ARHGEF9: variants seen among roughly 807,000 people sequenced by gnomAD.
ARHGEF9 encodes Cdc42 guanine nucleotide exchange factor 9, also known as rho guanine nucleotide exchange factor 9.
A neutral mutation model predicts 41.3 loss-of-function variants in ARHGEF9; 2 were observed. The observed-to-expected ratio is 0.05, with a 90% CI of 0.02 to 0.15. The LOEUF (loss-of-function observed/expected upper bound fraction) is 0.15. Among genes scored for constraint, ARHGEF9 ranks in the 10% least tolerant of loss-of-function variants. The probability of loss-of-function intolerance (pLI) is 1.00; values close to 1 mark genes in which losing one functional copy is unlikely to be tolerated. For missense variants in ARHGEF9, 225 were observed against 424.7 expected, an observed-to-expected ratio of 0.53 and a Z score of 4.13; for synonymous variants, 160 against 154.4, an observed-to-expected ratio of 1.04 and a Z score of -0.27.
chrX:63,771,365 T>A (rs1432153193), intron 1 of ARHGEF9, among the ~76,000 whole-genome samples: 1 of 112,213 alleles, frequency 8.9e-6, no homozygotes, highest in Non-Finnish European at 1.9e-5. Context: ...CTGGATATTA[T>A]CATTTTTCCA....
intron 3 of ARHGEF9, among the ~76,000 whole-genome samples, chrX:63,699,327 C>G (rs781811299): frequency 3.6e-5 from 4 of 111,659 alleles, no homozygotes; most frequent in African/African-American, 1.3e-4. Context: ...CAATGAGAGA[C>G]AGAAGAGGGC....
At chrX:63,712,629 C>A (rs191465470) in intron 2 of ARHGEF9, among the ~76,000 whole-genome samples, 2 of 111,394 alleles carry the variant, frequency 1.8e-5, no homozygotes, top group East Asian at 5.6e-4. Context: ...CAGAATTAGA[C>A]AATGGTGATG....
At chrX:63,728,642 C>A (rs782743842) in intron 1 of ARHGEF9, among the ~76,000 whole-genome samples, 6 of 112,065 alleles carry the variant, frequency 5.4e-5, no homozygotes, top group Non-Finnish European at 1.1e-4. Context: ...TCAGTTTTTT[C>A]ATCTGCAAAA....
intron 1 of ARHGEF9, among the ~76,000 whole-genome samples, chrX:63,739,242 T>G (rs2054802484): frequency 9.0e-6 from 1 of 111,309 alleles, no homozygotes; most frequent in Non-Finnish European, 1.9e-5. Context: ...AATCCTCCTA[T>G]TGTCTTGAAG....
Position 63,635,674 on chromosome X carries a change from T to A in ARHGEF9, c.*2354A>T. 3.5e-6 allele frequency: 1 copy of A among 289,542 alleles called. No individual in the cohort carries two copies. The highest frequency in any genetic ancestry group is 6.9e-5 in the Admixed American group (1 of 14,525). The allele number at this position is 289,542 out of a possible 1,213,427, so 23.9% of individuals were successfully genotyped here. The stretch of plus-strand genomic sequence containing the variant: ...GCGGGTTGAGAAGTAATATCCCTGA[T>A]CCTGGAGCCCTGGGCAGAAGCCCCA... On this transcript the variant is annotated 3_prime_UTR_variant, in exon 10 of 10. Coordinates refer to ENST00000671741, the MANE Select transcript of ARHGEF9 (RefSeq NM_001353921.2).
At chrX:63,768,909 G>A (rs1452135542) in intron 1 of ARHGEF9, among the ~76,000 whole-genome samples, 2 of 111,762 alleles carry the variant, frequency 1.8e-5, no homozygotes, top group South Asian at 3.7e-4. Flanking sequence ...TTTGTAAATT[G>A]CCCAGTTTCA....
Position 63,635,285 on chromosome X carries a change from G to T in ARHGEF9, c.*2743C>A, listed in dbSNP as rs1250232180. On this transcript the variant is annotated 3_prime_UTR_variant, in exon 10 of 10. Transcript: ENST00000671741. ...CCATTAGAAATATACACATAGAGAG[G>T]GGGGGAAAAAGAGAGAATAATTAGA... 1.2e-5 allele frequency: 6 copies of T among 513,308 alleles called. No homozygotes were observed. The Admixed American group carries it at 1.7e-4, about 14-fold the overall frequency. 42.3% of individuals were successfully genotyped at this position (513,308 alleles called of 1,213,427 possible).
chrX:63,689,022 A>G (rs1229651119), intron 4 of ARHGEF9, among the ~76,000 whole-genome samples: 3 of 112,009 alleles, frequency 2.7e-5, no homozygotes, highest in Non-Finnish European at 5.6e-5. Context: ...ACATGCCACC[A>G]GAGAAAAATC....
intron 4 of ARHGEF9, among the ~76,000 whole-genome samples, chrX:63,680,164 C>T (rs1317288704): frequency 9.8e-5 from 11 of 112,035 alleles, no homozygotes; most frequent in African/African-American, 1.6e-4. Context: ...TAGGAAATAT[C>T]GCCTTCCTTT....
intron 7 of ARHGEF9, among the ~76,000 whole-genome samples, chrX:63,664,937 G>A (rs868967634): frequency 8.9e-6 from 1 of 112,188 alleles, no homozygotes; most frequent in Non-Finnish European, 1.9e-5. Flanking sequence ...TATTTACTCT[G>A]GTGTTTTGTG....
intron 4 of ARHGEF9, among the ~76,000 whole-genome samples, chrX:63,695,566 C>T (rs1318128983): frequency 8.9e-6 from 1 of 111,918 alleles, no homozygotes; most frequent in African/African-American, 3.3e-5. Context: ...TACCCAGGTG[C>T]TTTCTAGAAT....
intron 4 of ARHGEF9, among the ~76,000 whole-genome samples, chrX:63,693,610 T>TC (rs1224370334): frequency 1.9e-5 from 1 of 53,765 alleles, no homozygotes; most frequent in Non-Finnish European, 2.9e-5. Flanking sequence ...AGATTCCATC[T>TC]CAAAAAAAAA....
intron 8 of ARHGEF9, among the ~76,000 whole-genome samples, chrX:63,647,705 G>C (rs1270825382): frequency 9.0e-6 from 1 of 110,913 alleles, no homozygotes; most frequent in East Asian, 2.8e-4. Context: ...TTTTTGTGGT[G>C]TCTCTGCCAG....
Position 63,637,910 on chromosome X carries a change from A to T in ARHGEF9, c.*118T>A. The T allele has an allele frequency of 3.8e-6, 2 of 521,147 alleles. No homozygotes were observed. Among genetic ancestry groups the T allele is most frequent in the Non-Finnish European group, 3.0e-6 (1 of 330,751 alleles). 42.9% of individuals were successfully genotyped at this position (521,147 alleles called of 1,213,427 possible). A position where few individuals can be genotyped will look rare whatever the true frequency, so the allele number is the denominator to read the frequency against. On this transcript the variant is annotated 3_prime_UTR_variant, in exon 10 of 10. Coordinates refer to ENST00000671741, the MANE Select transcript of ARHGEF9 (RefSeq NM_001353921.2). ...TGTGTGTGTGTGTGTATGTGTACTC[A>T]AGGGTCTCTGTGTGTGTGTGTGTGT...
chrX:63,770,160 C>T (rs1447920653), intron 1 of ARHGEF9, among the ~76,000 whole-genome samples: 1 of 112,668 alleles, frequency 8.9e-6, no homozygotes, highest in Non-Finnish European at 1.9e-5. Context: ...TAAAAACCCA[C>T]CTCTTCCATC....
intron 8 of ARHGEF9, among the ~76,000 whole-genome samples, chrX:63,648,271 C>G (rs1355815788): frequency 4.5e-5 from 5 of 111,370 alleles, no homozygotes; most frequent in African/African-American, 1.6e-4. Flanking sequence ...ACTCTACAAG[C>G]CAGAAGAGAG....
intron 9 of ARHGEF9, 25 bp from the exon 10 acceptor site, chrX:63,638,234 G>C: frequency 2.6e-6 from 3 of 1,153,940 alleles, no homozygotes; most frequent in Non-Finnish European, 3.5e-6. Context: ...AGATCAAAGG[G>C]AAAGGGTATA....
intron 7 of ARHGEF9, among the ~76,000 whole-genome samples, chrX:63,663,902 C>T (rs190355450): frequency 9.4e-4 from 105 of 112,094 alleles, no homozygotes; most frequent in African/African-American, 3.3e-3. Context: ...TATAACTGCT[C>T]GTGTTCTGGG....
intron 1 of ARHGEF9, among the ~76,000 whole-genome samples, chrX:63,764,885 G>A (rs1238843432): frequency 9.0e-6 from 1 of 111,440 alleles, no homozygotes; most frequent in Non-Finnish European, 1.9e-5. Flanking sequence ...GTGATGGGTT[G>A]ATCTGTGCAA....
Sources: gnomAD v4.1 joint callset for allele counts (sites outside exome capture counted in the v4.1 genomes callset) on GRCh38, gnomAD v4.1.1 for gene constraint, MANE v1.5 for transcripts, NCBI Gene and HGNC (gene_info 2026-07-23, HGNC 2026-07-21) for gene names.